CAMK4: variants seen among roughly 807,000 people sequenced by gnomAD.
The protein encoded by CAMK4 is calcium/calmodulin dependent protein kinase IV.
In CAMK4, 22 loss-of-function variants were observed where a neutral mutation model predicts 44.9. The ratio of observed to expected loss-of-function variants is 0.49; its 90% CI spans 0.35 to 0.70. The LOEUF is 0.70. Among genes scored for constraint, CAMK4 ranks in the 30% least tolerant of loss-of-function variants. The pLI is 0.01. For missense variants in CAMK4, 498 were observed against 586.8 expected (o/e 0.85, Z 1.56); for synonymous variants, 218 against 215.4 (o/e 1.01, Z -0.11).
chr5:111,279,978 A>G (rs994138809), intron 1 of CAMK4, among the ~76,000 whole-genome samples: 1 of 152,206 alleles, frequency 6.6e-6, no homozygotes, highest in African/African-American at 2.4e-5. Flanking sequence ...GGAAGAAGGA[A>G]GCATTATACA....
intron 2 of CAMK4, among the ~76,000 whole-genome samples, chr5:111,369,124 G>A (rs1750908363): frequency 6.6e-6 from 1 of 151,346 alleles, no homozygotes; most frequent in South Asian, 2.1e-4. Context: ...GGAGTGCAGT[G>A]GCACAAGCTC....
chr5:111,242,286 C>A (rs892898759), intron 1 of CAMK4, among the ~76,000 whole-genome samples: 1 of 152,070 alleles, frequency 6.6e-6, no homozygotes, highest in Non-Finnish European at 1.5e-5. Context: ...CTTTCTGAGT[C>A]TTTGAAGGGG....
At chr5:111,466,902 A>G (rs1394464249) in intron 7 of CAMK4, among the ~76,000 whole-genome samples, 1 of 152,208 alleles carries the variant, frequency 6.6e-6, no homozygotes, top group African/African-American at 2.4e-5. Context: ...GACTAAGCAA[A>G]AAGAACAAAT....
rs25925 is a variant in CAMK4 at position 111,484,055 on chromosome 5, G to C, written c.1011G>C (p.Ser337=). ...KAAVKAVVAS[S]RLGSASSSHG... ...CGGTGAAGGCTGTGGTGGCCTCTTC[G>C]CGCCTGGGAAGTGCCAGCAGCAGCC... The change falls in exon 11 of 11, where the codon TCG becomes TCC. Residue 337 remains serine, a synonymous_variant. Coordinates refer to ENST00000282356, the MANE Select transcript of CAMK4 (RefSeq NM_001744.6). The surrounding 1 kb of genome is among the most constrained non-coding windows in gnomAD (Gnocchi z 5.3). The C allele has an allele frequency of 0.79, 1,260,420 of 1,599,838 alleles. 500,930 individuals are homozygous for C. The highest frequency in any genetic ancestry group is 0.95 in the African/African-American group (70,952 of 74,752).
chr5:111,370,991 C>T (rs1375758044), intron 2 of CAMK4, among the ~76,000 whole-genome samples: 5 of 152,138 alleles, frequency 3.3e-5, no homozygotes, highest in Non-Finnish European at 5.9e-5. Context: ...GATGACAATG[C>T]CATTTGACTG....
At chr5:111,437,459 TGGGGA>T (rs1753686488) in intron 5 of CAMK4, among the ~76,000 whole-genome samples, 2 of 152,182 alleles carry the variant, frequency 1.3e-5, no homozygotes, top group Non-Finnish European at 2.9e-5. Flanking sequence ...ATGTAGTATC[TGGGGA>T]TTCTTTGTCT....
At position 111,467,081 on chromosome 5, in the gene CAMK4, C is replaced by T. The variant is rs759564489; in HGVS notation, c.626-6230C>T. 4.6e-5 allele frequency among the ~76,000 whole-genome samples: 7 copies of T among 151,690 alleles called. No individual in the cohort carries two copies. The East Asian group carries it at 5.8e-4, about 13-fold the overall frequency. ...TTTGACAAAGCAAACAAAAACAAAG[C>T]GGGGAAAGGATACCCTATTCGACAA... On this transcript the variant is annotated intron_variant, in intron 7 of 10. Coordinates refer to ENST00000282356, the MANE Select transcript of CAMK4 (RefSeq NM_001744.6).
At chr5:111,374,530 G>C (rs980804390) in intron 2 of CAMK4, among the ~76,000 whole-genome samples, 5 of 152,086 alleles carry the variant, frequency 3.3e-5, no homozygotes, top group African/African-American at 1.2e-4. Context: ...AAGAAAGGAA[G>C]ACAAAGAAGA....
chr5:111,324,660 A>G (rs1475026557), intron 1 of CAMK4, among the ~76,000 whole-genome samples: 1 of 152,068 alleles, frequency 6.6e-6, no homozygotes, highest in Non-Finnish European at 1.5e-5. Context: ...AAAAATAAAG[A>G]ATATATATGA....
intron 9 of CAMK4, among the ~76,000 whole-genome samples, chr5:111,481,773 T>C (rs1755442563): frequency 6.6e-6 from 1 of 152,196 alleles, no homozygotes; most frequent in South Asian, 2.1e-4. Context: ...AGTCACTAAA[T>C]CTTTCTGAGC....
chr5:111,350,336 A>T (rs73788819), intron 2 of CAMK4, among the ~76,000 whole-genome samples: 2,622 of 152,198 alleles, frequency 0.017, 76 homozygotes, highest in African/African-American at 0.059. Context: ...CATTAGCTTG[A>T]TTTAAAGTCA....
chr5:111,470,206 T>G (rs1379180311), intron 7 of CAMK4, among the ~76,000 whole-genome samples: 1 of 152,256 alleles, frequency 6.6e-6, no homozygotes, highest in Non-Finnish European at 1.5e-5. Flanking sequence ...AGACACTTTC[T>G]GTGGGGTACA....
intron 1 of CAMK4, among the ~76,000 whole-genome samples, chr5:111,324,704 CACTT>C (rs1320055518): frequency 5.3e-5 from 8 of 152,004 alleles, no homozygotes; most frequent in African/African-American, 1.9e-4. Context: ...ACTTAATTGA[CACTT>C]ACAGAACATC....
chr5:111,419,835 T>C (rs1752958509), intron 5 of CAMK4, among the ~76,000 whole-genome samples: 1 of 152,224 alleles, frequency 6.6e-6, no homozygotes, highest in Non-Finnish European at 1.5e-5. Flanking sequence ...CATGCTGTTT[T>C]GGTTACTGTA....
chr5:111,308,258 T>TTAAAAAAAAA (rs1561399626), intron 1 of CAMK4, among the ~76,000 whole-genome samples: 5 of 144,034 alleles, frequency 3.5e-5, no homozygotes, highest in African/African-American at 1.1e-4. Context: ...AATAAAAAAA[T>TTAAAAAAAAA]AAAATAAAAT....
intron 4 of CAMK4, among the ~76,000 whole-genome samples, chr5:111,381,515 T>A (rs1479116602): frequency 6.6e-6 from 1 of 152,154 alleles, no homozygotes; most frequent in Non-Finnish European, 1.5e-5. Context: ...ACCAGAAGAC[T>A]TAGCCAGTCT....
chr5:111,318,805 C>A (rs1470333228), intron 1 of CAMK4, among the ~76,000 whole-genome samples: 1 of 152,130 alleles, frequency 6.6e-6, no homozygotes, highest in Non-Finnish European at 1.5e-5. Context: ...ATGAAGATAA[C>A]ACCTTAAAAT....
chr5:111,364,101 A>T (rs564260857), intron 2 of CAMK4, among the ~76,000 whole-genome samples: 23 of 152,180 alleles, frequency 1.5e-4, no homozygotes, highest in Non-Finnish European at 3.2e-4. Context: ...GAAAGAGTGC[A>T]GAGGCAACAA....
intron 5 of CAMK4, among the ~76,000 whole-genome samples, chr5:111,413,109 C>A (rs1408987854): frequency 2.0e-5 from 3 of 152,112 alleles, no homozygotes; most frequent in Admixed American, 2.0e-4. Flanking sequence ...CCAAGCTAAG[C>A]CTCAGTTTGG....
Sources: allele counts gnomAD v4.1 joint callset (sites outside exome capture counted in the v4.1 genomes callset), GRCh38; gene constraint gnomAD v4.1.1; non-coding constraint Gnocchi (gnomAD v3.1); transcripts MANE v1.5; gene names NCBI Gene and HGNC (gene_info 2026-07-23, HGNC 2026-07-21).